Variants in TGM2 observed in about 807,000 individuals in gnomAD.
TGM2 encodes the protein transglutaminase 2, also known as protein-glutamine gamma-glutamyltransferase 2.
Under a neutral mutation model 75.6 loss-of-function variants are expected in TGM2, and 53 were observed. The observed-to-expected ratio is 0.70, with a 90% CI of 0.56 to 0.88. The LOEUF (loss-of-function observed/expected upper bound fraction) is 0.88. Ranked by LOEUF, TGM2 falls within the 40% of genes least tolerant of loss-of-function variation. The pLI, the probability that TGM2 is intolerant of heterozygous loss-of-function variation, is 0.00. For missense variants in TGM2, 842 were observed against 928.5 expected, an observed-to-expected ratio of 0.91 and a Z score of 1.21; for synonymous variants, 374 against 381.1, an observed-to-expected ratio of 0.98 and a Z score of 0.22.
rs1441384401 is a variant in TGM2, at chr20:38,139,594, T to C, written c.1160A>G (p.Lys387Arg). The change falls in exon 9 of 13, where the codon AAG (lysine) becomes AGG (arginine). Residue 387 changes from lysine (K) to arginine (R), a missense_variant. Transcript: ENST00000361475. The part of the protein sequence containing the change: ...RAIKEGDLST[K>R]YDAPFVFAEV... The stretch of plus-strand genomic sequence containing the variant: ...CGCAAAGACAAAGGGCGCATCGTAC[T>C]TGGTGCTCAGGTCGCCCTCCTTGAT... 6.2e-7 allele frequency: 1 copy of C among 1,614,074 alleles called. No individual in the cohort carries two copies. The highest frequency in any genetic ancestry group is 1.3e-5 in the African/African-American group (1 of 74,926).
chr20:38,155,813 C>T (rs1248308786), intron 3 of TGM2, 34 bp downstream of exon 3: 1 of 1,582,070 alleles, frequency 6.3e-7, no homozygotes, highest in Non-Finnish European at 8.6e-7. Context: ...GCCCTGCCCA[C>T]CCCAACGCTG....
chr20:38,145,462 G>C (rs1291665081), intron 6 of TGM2: 1 of 151,864 alleles, frequency 6.6e-6, no homozygotes, highest in Non-Finnish European at 1.5e-5. Flanking sequence ...CTGGAGTACA[G>C]TGGTGCAATC....
chr20:38,131,288 C>T, intron 11 of TGM2, 59 bp from the exon 12 acceptor site: 2 of 1,609,068 alleles, frequency 1.2e-6, no homozygotes, highest in South Asian at 2.2e-5. Flanking sequence ...GGGCTGTCTG[C>T]ATTCACTGCA....
At chr20:38,152,021 T>A (rs558847905) in intron 3 of TGM2, among the ~76,000 whole-genome samples, 57 of 152,302 alleles carry the variant, frequency 3.7e-4, no homozygotes, top group African/African-American at 1.3e-3. Flanking sequence ...CAGGCACTCT[T>A]GACTTCATGC....
intron 2 of TGM2, among the ~76,000 whole-genome samples, chr20:38,156,304 C>A (rs2075187079): frequency 6.6e-6 from 1 of 152,360 alleles, no homozygotes; most frequent in South Asian, 2.1e-4. Flanking sequence ...TGTGGGAATG[C>A]ATAAAAAGCC....
At position 38,128,311 on chromosome 20, in the gene TGM2, T is replaced by A. The variant is rs1401487976; in HGVS notation, c.*1908A>T. ...GAAGGGGCCGGAGATGGAGCCAGCC[T>A]GTGTAGGACCTTGAATGCCAGTAAA... On this transcript the variant is annotated 3_prime_UTR_variant, in exon 13 of 13. Coordinates refer to ENST00000361475, the MANE Select transcript of TGM2 (RefSeq NM_004613.4). 6.6e-6 allele frequency: 1 copy of A among 152,204 alleles called. No homozygotes were observed. Among genetic ancestry groups the A allele is most frequent in the East Asian group, 1.9e-4 (1 of 5,198 alleles). The allele number at this position is 152,204 out of a possible 1,614,324, so 9.4% of individuals were successfully genotyped here.
chr20:38,139,831 G>A (rs2074949242), intron 8 of TGM2, among the ~76,000 whole-genome samples, 177 bp from the exon 9 acceptor site: 2 of 152,184 alleles, frequency 1.3e-5, no homozygotes, highest in African/African-American at 4.8e-5. Context: ...TAGGGGCTCT[G>A]GAGCACAACT....
rs576382923 is a variant in TGM2 at position 38,148,143 on chromosome 20, A to G, written c.553-54T>C. The G allele has an allele frequency of 5.0e-6, 8 of 1,611,880 alleles. No homozygotes were observed. The African/African-American group carries it at 1.1e-4, about 21-fold the overall frequency. On this transcript the variant is annotated intron_variant, in intron 4 of 12. Transcript: ENST00000361475. ...AGGGAGCTGGGAAGGCACCTCCTCC[A>G]GGAAGCCTGCGTTGAAGCCTCCAGC...
intron 3 of TGM2, among the ~76,000 whole-genome samples, chr20:38,154,271 TA>T (rs2075154652): frequency 6.6e-6 from 1 of 152,208 alleles, no homozygotes; most frequent in Admixed American, 6.5e-5. Flanking sequence ...AGAAAAAAGA[TA>T]AAGCAGTGGG....
intron 1 of TGM2, 86 bp downstream of exon 1, chr20:38,165,103 G>A: frequency 6.2e-7 from 1 of 1,603,262 alleles, no homozygotes; most frequent in Non-Finnish European, 8.5e-7. Flanking sequence ...CTCCAAATCA[G>A]GACTTAGGGA....
intron 10 of TGM2, among the ~76,000 whole-genome samples, chr20:38,134,246 A>T (rs970603437): frequency 6.6e-6 from 1 of 152,094 alleles, no homozygotes; most frequent in African/African-American, 2.4e-5. Flanking sequence ...CGACCTGCCC[A>T]CCTCTTTGGC....
intron 3 of TGM2, 101 bp from the exon 4 acceptor site, chr20:38,151,158 G>A (rs769477720): frequency 5.2e-5 from 43 of 821,708 alleles, no homozygotes; most frequent in East Asian, 3.4e-4. Flanking sequence ...CCAAGCCAGC[G>A]TCTCAGGGAT....
chr20:38,152,239 C>G (rs940833294), intron 3 of TGM2, among the ~76,000 whole-genome samples: 2 of 152,262 alleles, frequency 1.3e-5, no homozygotes, highest in East Asian at 1.9e-4. Flanking sequence ...AATGGAGAAG[C>G]TGGCCTGGGA....
At chr20:38,143,463 C>T (rs2075003397) in intron 6 of TGM2, among the ~76,000 whole-genome samples, 1 of 152,222 alleles carries the variant, frequency 6.6e-6, no homozygotes, top group African/African-American at 2.4e-5. Flanking sequence ...CCCTGCATAC[C>T]TGCCAACGCC....
chr20:38,133,939 G>C (rs917736987), intron 10 of TGM2, among the ~76,000 whole-genome samples: 13 of 152,140 alleles, frequency 8.5e-5, no homozygotes, highest in Non-Finnish European at 1.9e-4. Context: ...GGGAAAAAAA[G>C]AGAGAAAATA....
At chr20:38,159,383 G>A (rs1025123595) in intron 2 of TGM2, among the ~76,000 whole-genome samples, 2 of 151,960 alleles carry the variant, frequency 1.3e-5, no homozygotes, top group Admixed American at 6.6e-5. Context: ...AGGAGGGAGA[G>A]GAGCAGAAAA....
At position 38,127,464 on chromosome 20, in the gene TGM2, TGTCCCCATCATCTATTCATTCAA is replaced by T. The variant is rs2074778516; in HGVS notation, c.*2732_*2754del. 1.5e-6 allele frequency: 1 copy of T among 677,662 alleles called. No homozygotes were observed. The highest frequency in any genetic ancestry group is 1.8e-6 in the Non-Finnish European group (1 of 548,934). The allele number at this position is 677,662 out of a possible 1,614,324, so 42.0% of individuals were successfully genotyped here. ...TACATGACTTCCCAAGGGTGGGGAC[TGTCCCCATCATCTATTCATTCAA>T]CAGATACTCATGAGTGCTTCGATGG... On this transcript the variant is annotated 3_prime_UTR_variant, in exon 13 of 13. Transcript: ENST00000361475.
At chr20:38,165,083 G>C (rs1176352514) in intron 1 of TGM2, 106 bp downstream of exon 1, 14 of 1,552,804 alleles carry the variant, frequency 9.0e-6, no homozygotes, top group Non-Finnish European at 1.2e-5. Context: ...AGCCCGGTCT[G>C]CCTGTTGCTC....
Position 38,132,492 on chromosome 20 carries a change from C to A in TGM2, c.1624G>T (p.Val542Phe), listed in dbSNP as rs2229473. The A allele has an allele frequency of 2.6e-3, 4,268 of 1,614,104 alleles. 16 individuals are homozygous for A. The highest frequency in any genetic ancestry group is 0.013 in the East Asian group (581 of 44,870). Residue 542 changes from valine (V) to phenylalanine (F), a missense_variant, in exon 11 of 13, where the codon GTT (valine) becomes TTT (phenylalanine). Physicochemically the swap from Val to Phe is conservative, Grantham distance 50 (BLOSUM62 -1). Coordinates refer to ENST00000361475, the MANE Select transcript of TGM2 (RefSeq NM_004613.4). ...LNLEPFSEKS[V>F]PLCILYEKYR... ...TTCTCATAGAGGATGCAAAGAGGAA[C>A]GCTCTTCTCTGCAGAAGGGGAGAAA...
Sources: gnomAD v4.1 joint callset for allele counts (sites outside exome capture counted in the v4.1 genomes callset) on GRCh38, gnomAD v4.1.1 for gene constraint, MANE v1.5 for transcripts, NCBI Gene and HGNC (gene_info 2026-07-23, HGNC 2026-07-21) for gene names.